CPEB1: variants seen among roughly 807,000 people sequenced by gnomAD.
CPEB1 encodes cytoplasmic polyadenylation element binding protein 1.
CPEB1 carries 7 observed loss-of-function variants against 65.8 expected under a neutral mutation model. The observed-to-expected ratio is 0.11, with a 90% CI of 0.06 to 0.20. The LOEUF is 0.20. Ranked by LOEUF, CPEB1 falls within the 10% of genes least tolerant of loss-of-function variation. CPEB1 has a pLI of 1.00. For synonymous variants in CPEB1, 262 were observed against 260.0 expected, an observed-to-expected ratio of 1.01 and a Z score of -0.08; for missense variants, 551 against 712.2, an observed-to-expected ratio of 0.77 and a Z score of 2.58.
At chr15:82,627,409 C>A in intron 2 of CPEB1, 42 bp from the exon 3 acceptor site, 2 of 1,451,056 alleles carry the variant, frequency 1.4e-6, no homozygotes, top group Non-Finnish European at 1.9e-6. Context: ...TTCTACACTC[C>A]TTTATGACCC....
intron 11 of CPEB1, 106 bp from the exon 12 acceptor site, chr15:82,546,627 T>C (rs2035271433): frequency 1.2e-6 from 1 of 819,060 alleles, no homozygotes; most frequent in Non-Finnish European, 2.1e-6. Flanking sequence ...ATGCGGGATA[T>C]TGGAATGCAG....
At chr15:82,591,531 T>C (rs1001385918) in intron 3 of CPEB1, among the ~76,000 whole-genome samples, 5 of 152,300 alleles carry the variant, frequency 3.3e-5, no homozygotes, top group African/African-American at 9.6e-5. Context: ...CCTCCCAAAG[T>C]GCTGGGATTG....
chr15:82,619,580 C>T (rs1489769198), intron 3 of CPEB1, among the ~76,000 whole-genome samples: 2 of 151,988 alleles, frequency 1.3e-5, no homozygotes, highest in East Asian at 1.9e-4. Context: ...AGAACTGCTA[C>T]AAGTAAACAA....
At position 82,572,978 on chromosome 15, in the gene CPEB1, C is replaced by G. The variant is rs545260680; in HGVS notation, c.272-1446G>C. The G allele has an allele frequency of 1.1e-3, 1,557 of 1,442,278 alleles. 21 individuals carry two copies. In the South Asian group the frequency reaches 0.019, roughly 18 times the overall value. 89.3% of individuals were successfully genotyped at this position (1,442,278 alleles called of 1,614,324 possible). ...TTCTTCCTCATAAAGGAGGGTAGGG[C>G]AACAGGCCCAGACTCACCAGGCAGG... On this transcript the variant is annotated intron_variant, in intron 3 of 12. Transcript: ENST00000684509.
intron 3 of CPEB1, among the ~76,000 whole-genome samples, chr15:82,614,437 G>A (rs2044492682): frequency 6.6e-6 from 1 of 152,170 alleles, no homozygotes; most frequent in Non-Finnish European, 1.5e-5. Context: ...CATCAAACTA[G>A]TCCAAGAATT....
chr15:82,620,575 T>C (rs544328442), intron 3 of CPEB1, among the ~76,000 whole-genome samples: 2 of 152,186 alleles, frequency 1.3e-5, no homozygotes, highest in South Asian at 4.2e-4. Context: ...AGGCAAGGAA[T>C]TTGCTTAAGC....
At chr15:82,558,208 T>C (rs954056521) in intron 4 of CPEB1, among the ~76,000 whole-genome samples, 1 of 152,244 alleles carries the variant, frequency 6.6e-6, no homozygotes, top group African/African-American at 2.4e-5. Flanking sequence ...CCAGAGTTCC[T>C]GCTGTTACAA....
intron 3 of CPEB1, among the ~76,000 whole-genome samples, chr15:82,574,766 C>T (rs956257934): frequency 1.6e-5 from 2 of 124,304 alleles, no homozygotes; most frequent in African/African-American, 3.2e-5. Context: ...AAACCATGTT[C>T]ATGTACTGGA....
At position 82,547,199 on chromosome 15, in the gene CPEB1, G is replaced by A; in HGVS notation, c.1519C>T (p.Leu507=). ...RVTFNNQRSY[L]KAVSAAFVEI... Reference sequence around the variant, plus strand: ...ACAAAAGCAGCGCTGACTGCTTTCAGGTAACTCCGTTGGTTATTGAAAGTC... The same window carrying A: ...ACAAAAGCAGCGCTGACTGCTTTCAAGTAACTCCGTTGGTTATTGAAAGTC... Residue 507 remains leucine, a synonymous_variant, in exon 11 of 13, where the codon CTG becomes TTG. Coordinates refer to ENST00000684509, the MANE Select transcript of CPEB1 (RefSeq NM_001365242.1). The A allele has an allele frequency of 6.2e-7, 1 of 1,612,998 alleles. No homozygotes were observed.
chr15:82,609,378 G>A (rs908829578), intron 3 of CPEB1, among the ~76,000 whole-genome samples: 3 of 151,998 alleles, frequency 2.0e-5, no homozygotes, highest in Non-Finnish European at 4.4e-5. Flanking sequence ...GTGCACAACT[G>A]TAGTCCCAGC....
intron 3 of CPEB1, among the ~76,000 whole-genome samples, chr15:82,609,164 G>T (rs547059964): frequency 6.6e-6 from 1 of 152,002 alleles, no homozygotes; most frequent in East Asian, 1.9e-4. Context: ...TAAAACTTAC[G>T]GCATGCAATG....
intron 4 of CPEB1, among the ~76,000 whole-genome samples, chr15:82,565,422 T>C (rs942612873): frequency 6.6e-6 from 1 of 152,212 alleles, no homozygotes; most frequent in Non-Finnish European, 1.5e-5. Context: ...CAGCACCGAT[T>C]TCCACCAGCT....
intron 3 of CPEB1, among the ~76,000 whole-genome samples, chr15:82,594,878 CAGG>C (rs2042558142): frequency 6.6e-6 from 1 of 152,030 alleles, no homozygotes; most frequent in Non-Finnish European, 1.5e-5. Flanking sequence ...GGGAGAGAGA[CAGG>C]AGAACGGCCG....
chr15:82,644,927 T>C (rs1231521534), intron 1 of CPEB1, among the ~76,000 whole-genome samples: 2 of 152,256 alleles, frequency 1.3e-5, no homozygotes, highest in African/African-American at 2.4e-5. Context: ...TTTTACTTCA[T>C]GGGCACTGGT....
chr15:82,584,592 C>T (rs564582653), intron 3 of CPEB1, among the ~76,000 whole-genome samples: 2 of 150,344 alleles, frequency 1.3e-5, no homozygotes, highest in South Asian at 4.2e-4. Flanking sequence ...GCAGGAGAAT[C>T]GCTTGAACCT....
intron 3 of CPEB1, among the ~76,000 whole-genome samples, chr15:82,588,650 T>C (rs2041989780): frequency 6.6e-6 from 1 of 152,212 alleles, no homozygotes; most frequent in Non-Finnish European, 1.5e-5. Flanking sequence ...TCAACATTGA[T>C]CTTGACTTAC....
chr15:82,647,786 C>T (rs1596157633), upstream of CPEB1: 5 of 1,235,102 alleles, frequency 4.0e-6, no homozygotes, highest in South Asian at 2.9e-5. Context: ...CCGGACCCGG[C>T]TGCGCGCGGA....
At chr15:82,564,070 A>G (rs915818304) in intron 4 of CPEB1, among the ~76,000 whole-genome samples, 1 of 152,184 alleles carries the variant, frequency 6.6e-6, no homozygotes, top group Non-Finnish European at 1.5e-5. Flanking sequence ...ACATGTGTAA[A>G]AAGTTGTGCC....
At chr15:82,615,334 T>C (rs144115276) in intron 3 of CPEB1, among the ~76,000 whole-genome samples, 4 of 152,250 alleles carry the variant, frequency 2.6e-5, no homozygotes, top group East Asian at 1.9e-4. Flanking sequence ...CTACAGAACA[T>C]TGGAGGCAGG....
Sources: allele counts gnomAD v4.1 joint callset (sites outside exome capture counted in the v4.1 genomes callset), GRCh38; gene constraint gnomAD v4.1.1; transcripts MANE v1.5; gene names NCBI Gene and HGNC (gene_info 2026-07-23, HGNC 2026-07-21).